Variants in TMEM135 observed in about 807,000 individuals in gnomAD.
The protein encoded by TMEM135 is peroxisomal membrane protein 52.
Under a neutral mutation model 60.3 loss-of-function variants are expected in TMEM135, and 30 were observed. The observed-to-expected ratio is 0.50, with a 90% CI of 0.37 to 0.68. The LOEUF (loss-of-function observed/expected upper bound fraction) is 0.68. TMEM135 is among the 30% of genes least tolerant of loss of function. The probability of loss-of-function intolerance (pLI) is 0.00; values close to 1 mark genes in which losing one functional copy is unlikely to be tolerated. For missense variants in TMEM135, 468 were observed against 548.8 expected (o/e 0.85, Z 1.47); for synonymous variants, 190 against 186.7 (o/e 1.02, Z -0.14).
At chr11:87,124,166 A>G (rs2135220940) in intron 4 of TMEM135, among the ~76,000 whole-genome samples, 1 of 152,320 alleles carries the variant, frequency 6.6e-6, no homozygotes, top group Non-Finnish European at 1.5e-5. Flanking sequence ...TTATAAACAG[A>G]AACCAATTTG....
In TMEM135 at chr11:87,236,635, C is replaced by T. The variant is rs1393333657; in HGVS notation, c.463-3C>T. ...CAAGTAATATATTTTCTCTTTGTTA[C>T]AGGTCCTTTTGTTTTGCATCACAGC... is the stretch of plus-strand genomic sequence containing the variant. On this transcript the variant is annotated splice_region_variant and splice_polypyrimidine_tract_variant and intron_variant, in intron 5 of 14. Transcript: ENST00000305494. The T allele has an allele frequency of 6.2e-6, 10 of 1,611,872 alleles. No individual in the cohort carries two copies. Among genetic ancestry groups the T allele is most frequent in the African/African-American group, 1.3e-5 (1 of 74,812 alleles).
intron 4 of TMEM135, among the ~76,000 whole-genome samples, chr11:87,123,475 G>T (rs372604176): frequency 2.0e-5 from 3 of 152,044 alleles, no homozygotes; most frequent in East Asian, 3.9e-4. Context: ...ATTGGATTTG[G>T]TGCTTCCTCT....
At chr11:87,170,150 C>G (rs1462001260) in intron 5 of TMEM135, among the ~76,000 whole-genome samples, 1 of 152,012 alleles carries the variant, frequency 6.6e-6, no homozygotes, top group Non-Finnish European at 1.5e-5. Flanking sequence ...CATTTATTTT[C>G]TTCTCTAAAC....
intron 3 of TMEM135, among the ~76,000 whole-genome samples, chr11:87,088,786 G>A (rs1299928969): frequency 6.6e-6 from 1 of 152,106 alleles, no homozygotes. Context: ...TTTGGAAGAG[G>A]ATCAAGACAA....
intron 4 of TMEM135, among the ~76,000 whole-genome samples, chr11:87,131,081 T>G (rs537705072): frequency 1.2e-4 from 19 of 152,226 alleles, no homozygotes; most frequent in African/African-American, 4.1e-4. Flanking sequence ...TTTAAACCAG[T>G]TTTTGCTTTA....
chr11:87,091,752 A>C (rs1471791518), intron 4 of TMEM135, among the ~76,000 whole-genome samples: 9 of 152,088 alleles, frequency 5.9e-5, no homozygotes, highest in African/African-American at 2.2e-4. Flanking sequence ...TCTTATGGGA[A>C]AAATGATATA....
At chr11:87,217,815 G>C (rs2135350210) in intron 5 of TMEM135, among the ~76,000 whole-genome samples, 1 of 152,088 alleles carries the variant, frequency 6.6e-6, no homozygotes, top group Non-Finnish European at 1.5e-5. Context: ...GGGGTGGTGG[G>C]TTTGGTTGCC....
intron 5 of TMEM135, among the ~76,000 whole-genome samples, chr11:87,209,293 T>G (rs1940307885): frequency 6.6e-6 from 1 of 152,170 alleles, no homozygotes; most frequent in East Asian, 1.9e-4. Flanking sequence ...CTGTCTACTT[T>G]CTTCAAGAGA....
chr11:87,172,031 C>G (rs1183705365), intron 5 of TMEM135, among the ~76,000 whole-genome samples: 1 of 152,078 alleles, frequency 6.6e-6, no homozygotes, highest in Non-Finnish European at 1.5e-5. Flanking sequence ...TGTACATCTC[C>G]CAGGGGTTGG....
intron 5 of TMEM135, among the ~76,000 whole-genome samples, chr11:87,181,357 C>T (rs1020350356): frequency 2.0e-5 from 3 of 151,950 alleles, no homozygotes; most frequent in Non-Finnish European, 4.4e-5. Context: ...ATAACAATTA[C>T]GTCATAAGAG....
chr11:87,128,055 G>T (rs2048973), intron 4 of TMEM135, among the ~76,000 whole-genome samples: 72,371 of 151,704 alleles, frequency 0.48, 17,525 homozygotes, highest in East Asian at 0.67. Context: ...GGCTTTTTTT[G>T]GTCCAACTCT....
chr11:87,094,763 G>A (rs1389270234), intron 4 of TMEM135: 5 of 200,784 alleles, frequency 2.5e-5, no homozygotes, highest in Admixed American at 2.3e-4. Context: ...ACTTATAGTT[G>A]CTCCCAGATG....
intron 5 of TMEM135, among the ~76,000 whole-genome samples, chr11:87,232,363 AT>A (rs1368071522): frequency 1.3e-5 from 2 of 152,280 alleles, no homozygotes; most frequent in African/African-American, 4.8e-5. Flanking sequence ...AGAAGAAAAA[AT>A]AATGATGAAA....
chr11:87,132,930 G>A (rs1486891139), intron 4 of TMEM135, among the ~76,000 whole-genome samples: 1 of 152,148 alleles, frequency 6.6e-6, no homozygotes, highest in Non-Finnish European at 1.5e-5. Flanking sequence ...CAATATGCCA[G>A]CACCACTATT....
intron 5 of TMEM135, among the ~76,000 whole-genome samples, chr11:87,176,868 A>T (rs1173065588): frequency 6.6e-6 from 1 of 152,198 alleles, no homozygotes. Flanking sequence ...ATTAAAGGAC[A>T]GTATCAAGAG....
intron 6 of TMEM135, among the ~76,000 whole-genome samples, chr11:87,290,200 G>A (rs1176505008): frequency 6.6e-6 from 1 of 152,104 alleles, no homozygotes; most frequent in Admixed American, 6.5e-5. Flanking sequence ...GCTCATTAGA[G>A]AGCACATAAT....
chr11:87,097,820 A>C (rs1857365196), intron 4 of TMEM135, among the ~76,000 whole-genome samples: 1 of 152,188 alleles, frequency 6.6e-6, no homozygotes, highest in Admixed American at 6.5e-5. Flanking sequence ...AGACTGCTGA[A>C]ATGTCACTGT....
intron 3 of TMEM135, among the ~76,000 whole-genome samples, chr11:87,086,095 G>A (rs1339163458): frequency 1.3e-5 from 2 of 152,068 alleles, no homozygotes; most frequent in African/African-American, 2.4e-5. Context: ...ATCATTAATT[G>A]GCCCTCCCTT....
At chr11:87,304,507 T>C (rs925859083) in intron 8 of TMEM135, among the ~76,000 whole-genome samples, 2 of 146,556 alleles carry the variant, frequency 1.4e-5, no homozygotes, top group Non-Finnish European at 3.1e-5. Flanking sequence ...CTTTCTCTTA[T>C]TCACTGCTTG....
Sources: gnomAD v4.1 joint callset for allele counts (sites outside exome capture counted in the v4.1 genomes callset) on GRCh38, gnomAD v4.1.1 for gene constraint, MANE v1.5 for transcripts, NCBI Gene and HGNC (gene_info 2026-07-23, HGNC 2026-07-21) for gene names.